SPON1: variants seen among roughly 807,000 people sequenced by gnomAD.
SPON1 encodes the protein spondin 1.
Under a neutral mutation model 111.7 loss-of-function variants are expected in SPON1, and 52 were observed. The observed-to-expected ratio is 0.47, with a 90% CI of 0.37 to 0.59. The LOEUF (loss-of-function observed/expected upper bound fraction) is 0.59, where lower values mean the gene tolerates loss of function less well. SPON1 is among the 20% of genes least tolerant of loss of function. The pLI, the probability that SPON1 is intolerant of heterozygous loss-of-function variation, is 0.00. For synonymous variants in SPON1, 410 were observed against 395.8 expected (o/e 1.04, Z -0.43); for missense variants, 957 against 1,068.5 (o/e 0.90, Z 1.46).
At chr11:13,964,700 G>T (rs1402447017) in intron 1 of SPON1, among the ~76,000 whole-genome samples, 1 of 152,194 alleles carries the variant, frequency 6.6e-6, no homozygotes, top group Non-Finnish European at 1.5e-5. Flanking sequence ...GAGGGAGCGC[G>T]CGGCTTGGCA....
At chr11:14,119,618 G>C (rs2133853108) in intron 5 of SPON1, among the ~76,000 whole-genome samples, 1 of 152,314 alleles carries the variant, frequency 6.6e-6, no homozygotes, top group East Asian at 1.9e-4. Context: ...GAAATTGGAG[G>C]TGGATGGAGA....
chr11:14,035,166 A>G (rs1044539352), intron 2 of SPON1, among the ~76,000 whole-genome samples: 3 of 152,164 alleles, frequency 2.0e-5, no homozygotes, highest in African/African-American at 7.2e-5. Flanking sequence ...ATGTGGTTTC[A>G]TGGGACTAGG....
chr11:14,254,465 T>A, intron 7 of SPON1, 63 bp from the exon 8 acceptor site: 1 of 1,384,822 alleles, frequency 7.2e-7, no homozygotes, highest in East Asian at 2.3e-5. Context: ...CAGGCAGATT[T>A]CCCTCAGAGT....
intron 2 of SPON1, among the ~76,000 whole-genome samples, chr11:14,009,505 T>A (rs1023195032): frequency 7.2e-5 from 11 of 152,324 alleles, no homozygotes; most frequent in Admixed American, 3.9e-4. Flanking sequence ...CCTTGGAAAA[T>A]CTTTCCTTAG....
rs868941556 is a variant in SPON1 at position 14,057,849 on chromosome 11, C to A, written c.479+16195C>A. Among the ~76,000 whole-genome samples, 1,083 of 120,666 alleles carry A rather than the reference C, an allele frequency of 9.0e-3. 9 individuals carry two copies. The highest frequency in any genetic ancestry group is 0.023 in the South Asian group (70 of 3,032). 79.2% of individuals were successfully genotyped at this position (120,666 alleles called of 152,430 possible). A position where few individuals can be genotyped will look rare whatever the true frequency, so the allele number is the denominator to read the frequency against. ...GTCTCTACAAAAAAAAAAAACAAAA[C>A]AAAAACTTAAAAATAAAATTAGCTG... On this transcript the variant is annotated intron_variant, in intron 3 of 15. Transcript: ENST00000576479.
intron 6 of SPON1, among the ~76,000 whole-genome samples, chr11:14,203,658 G>A (rs960052510): frequency 6.6e-6 from 1 of 152,162 alleles, no homozygotes; most frequent in Non-Finnish European, 1.5e-5. Context: ...ACATGCCCAG[G>A]TAATTTGAGT....
intron 3 of SPON1, 56 bp from the exon 4 acceptor site, chr11:14,075,289 C>A: frequency 7.1e-7 from 1 of 1,409,334 alleles, no homozygotes; most frequent in South Asian, 1.2e-5. Flanking sequence ...GACTGATCTC[C>A]CAAACCTGCC....
intron 6 of SPON1, among the ~76,000 whole-genome samples, chr11:14,230,438 TC>T (rs1848786020): frequency 6.6e-6 from 1 of 152,210 alleles, no homozygotes; most frequent in Non-Finnish European, 1.5e-5. Context: ...AATTCTCATT[TC>T]TTTTGAAACT....
In SPON1 at chr11:14,265,754, T is replaced by C. The variant is rs2133930659; in HGVS notation, c.*67T>C. ...GTCACCAATGGCTGGATTATTTGCT[T>C]GTTTAAGACAATTTAAATTGTGTAC... On this transcript the variant is annotated 3_prime_UTR_variant, in exon 16 of 16. Coordinates refer to ENST00000576479, the MANE Select transcript of SPON1 (RefSeq NM_006108.4). 1 of 1,535,364 alleles carries C rather than the reference T, an allele frequency of 6.5e-7. No individual in the cohort carries two copies. Among genetic ancestry groups the C allele is most frequent in the South Asian group, 1.2e-5 (1 of 81,118 alleles).
At chr11:14,199,841 A>C (rs1554935432) in intron 6 of SPON1, among the ~76,000 whole-genome samples, 1 of 152,218 alleles carries the variant, frequency 6.6e-6, no homozygotes, top group Non-Finnish European at 1.5e-5. Context: ...GCCTTAGAGC[A>C]TGAAGCTCAA....
intron 1 of SPON1, among the ~76,000 whole-genome samples, chr11:13,979,549 C>T (rs1341721471): frequency 6.6e-6 from 1 of 152,148 alleles, no homozygotes; most frequent in African/African-American, 2.4e-5. Flanking sequence ...GTCCTGCCAG[C>T]CTGTGATCCC....
At chr11:13,999,249 C>G (rs1004338636) in intron 2 of SPON1, among the ~76,000 whole-genome samples, 3 of 152,146 alleles carry the variant, frequency 2.0e-5, no homozygotes, top group African/African-American at 7.2e-5. Flanking sequence ...ATGACACTGT[C>G]GTGTGTAAGG....
At chr11:14,037,233 T>A (rs1451538622) in intron 2 of SPON1, among the ~76,000 whole-genome samples, 2 of 152,134 alleles carry the variant, frequency 1.3e-5, no homozygotes, top group African/African-American at 4.8e-5. Context: ...AGCTTTTTAA[T>A]GGGAGAGATT....
chr11:14,070,693 C>T (rs1554920810), intron 3 of SPON1, among the ~76,000 whole-genome samples: 1 of 152,106 alleles, frequency 6.6e-6, no homozygotes, highest in Non-Finnish European at 1.5e-5. Flanking sequence ...TTTCTGAGAT[C>T]TCTCTCTCCC....
chr11:14,001,555 G>A (rs370983693), intron 2 of SPON1, among the ~76,000 whole-genome samples: 14 of 152,298 alleles, frequency 9.2e-5, no homozygotes, highest in African/African-American at 3.1e-4. Context: ...AAACTTTTCT[G>A]AAGACCACAC....
chr11:14,042,664 G>T (rs1268541012), intron 3 of SPON1, among the ~76,000 whole-genome samples: 1 of 152,014 alleles, frequency 6.6e-6, no homozygotes, highest in Non-Finnish European at 1.5e-5. Flanking sequence ...TTAAATCCTC[G>T]AAGGTCTTAT....
At chr11:14,028,115 A>G (rs111942099) in intron 2 of SPON1, among the ~76,000 whole-genome samples, 1 of 152,174 alleles carries the variant, frequency 6.6e-6, no homozygotes, top group African/African-American at 2.4e-5. Context: ...CAGTTTCTGA[A>G]TCTGTAAAAT....
At chr11:14,242,080 C>G (rs1010344263) in intron 6 of SPON1, among the ~76,000 whole-genome samples, 1 of 152,146 alleles carries the variant, frequency 6.6e-6, no homozygotes, top group Non-Finnish European at 1.5e-5. Flanking sequence ...GCACCACCAC[C>G]ACCCAGCAGC....
intron 6 of SPON1, among the ~76,000 whole-genome samples, chr11:14,172,307 G>A (rs1270856944): frequency 2.6e-5 from 4 of 151,460 alleles, no homozygotes; most frequent in South Asian, 2.1e-4. Context: ...CGATACTAGG[G>A]TTGCAACCCC....
Sources: allele counts gnomAD v4.1 joint callset (sites outside exome capture counted in the v4.1 genomes callset), GRCh38; gene constraint gnomAD v4.1.1; transcripts MANE v1.5; gene names NCBI Gene and HGNC (gene_info 2026-07-23, HGNC 2026-07-21).